Variants in SCHIP1 observed in about 807,000 individuals in gnomAD.
The protein encoded by SCHIP1 is schwannomin-interacting protein 1.
In SCHIP1, 8 loss-of-function variants were observed where a neutral mutation model predicts 29.7. That is an observed-to-expected ratio of 0.27 (90% CI 0.16 to 0.49). SCHIP1 has a LOEUF of 0.49. Among genes scored for constraint, SCHIP1 ranks in the 20% least tolerant of loss-of-function variants. The pLI is 0.99. For synonymous variants in SCHIP1, 76 were observed against 94.9 expected (o/e 0.80, Z 1.16); for missense variants, 193 against 294.6 (o/e 0.66, Z 2.52).
chr3:159,739,784 G>A, the SCHIP1 span, among the ~76,000 whole-genome samples: 104 of 152,266 alleles, frequency 6.8e-4, no homozygotes, highest in Non-Finnish European at 9.3e-4. Flanking sequence ...AACAATATGT[G>A]ATTTTTTTCT....
chr3:159,471,807 A>T, the SCHIP1 span, among the ~76,000 whole-genome samples: 4 of 152,258 alleles, frequency 2.6e-5, no homozygotes, highest in South Asian at 8.3e-4. Flanking sequence ...ACTAGTGGAA[A>T]TCAACTTATG....
chr3:159,776,268 TTTTTGGTCCA>T, the SCHIP1 span, among the ~76,000 whole-genome samples: 1 of 152,166 alleles, frequency 6.6e-6, no homozygotes, highest in Non-Finnish European at 1.5e-5. Context: ...TCTTACATAA[TTTTTGGTCCA>T]TTTTGACCTA....
chr3:159,450,807 C>CTT, the SCHIP1 span, among the ~76,000 whole-genome samples: 272 of 123,042 alleles, frequency 2.2e-3, 3 homozygotes, highest in South Asian at 4.8e-3. Flanking sequence ...ATTTAGTATT[C>CTT]TTTTTTTTTT....
the SCHIP1 span, among the ~76,000 whole-genome samples, chr3:159,362,249 G>A: frequency 6.6e-6 from 1 of 152,132 alleles, no homozygotes; most frequent in African/African-American, 2.4e-5. Flanking sequence ...TCTGTCAAAT[G>A]GTGAATGTAA....
At chr3:159,589,550 G>A in the SCHIP1 span, among the ~76,000 whole-genome samples, 2 of 152,138 alleles carry the variant, frequency 1.3e-5, no homozygotes, top group African/African-American at 2.4e-5. Flanking sequence ...AGTTTTCAAA[G>A]GGAATGCTTC....
the SCHIP1 span, chr3:159,387,426 C>A: frequency 0.055 from 16,710 of 305,874 alleles, 617 homozygotes; most frequent in South Asian, 0.086. Context: ...GAGCCACTCA[C>A]CTCTGTCTTG....
chr3:159,650,901 G>A, the SCHIP1 span, among the ~76,000 whole-genome samples: 2 of 152,136 alleles, frequency 1.3e-5, no homozygotes, highest in Non-Finnish European at 2.9e-5. Flanking sequence ...CTGAGTGTGA[G>A]TGACAGCATA....
At chr3:159,821,849 GGTCACTTGGAC>G in the SCHIP1 span, among the ~76,000 whole-genome samples, 1 of 152,082 alleles carries the variant, frequency 6.6e-6, no homozygotes, top group East Asian at 1.9e-4. Context: ...GTAAAATGAG[GGTCACTTGGAC>G]ACAGCACTGT....
chr3:159,741,357 A>C, the SCHIP1 span, among the ~76,000 whole-genome samples: 9 of 152,220 alleles, frequency 5.9e-5, no homozygotes, highest in Non-Finnish European at 1.3e-4. Flanking sequence ...CAGACATCAC[A>C]GTTTCTAATA....
At chr3:159,622,359 A>G in the SCHIP1 span, among the ~76,000 whole-genome samples, 3 of 152,242 alleles carry the variant, frequency 2.0e-5, no homozygotes, top group Non-Finnish European at 4.4e-5. Flanking sequence ...TAAGATAATT[A>G]TATAAACAAA....
the SCHIP1 span, among the ~76,000 whole-genome samples, chr3:159,392,579 T>G: frequency 6.6e-6 from 1 of 152,148 alleles, no homozygotes; most frequent in South Asian, 2.1e-4. Flanking sequence ...TTTTTGTTCT[T>G]GTGATAGTTT....
the SCHIP1 span, among the ~76,000 whole-genome samples, chr3:159,718,096 AAT>A: frequency 1.3e-5 from 2 of 152,238 alleles, no homozygotes; most frequent in East Asian, 1.9e-4. Context: ...AAATAAATGT[AAT>A]CCATTATATA....
At chr3:159,797,895 A>C in the SCHIP1 span, among the ~76,000 whole-genome samples, 1 of 152,258 alleles carries the variant, frequency 6.6e-6, no homozygotes, top group African/African-American at 2.4e-5. Context: ...GGAGGAAAGC[A>C]GGAAGAGGCA....
At chr3:159,342,148 C>G in the SCHIP1 span, among the ~76,000 whole-genome samples, 8 of 152,256 alleles carry the variant, frequency 5.3e-5, no homozygotes, top group South Asian at 1.7e-3. Flanking sequence ...GTTCCAATCC[C>G]CTTTCTGCAG....
the SCHIP1 span, among the ~76,000 whole-genome samples, chr3:159,795,604 G>A: frequency 6.6e-6 from 1 of 152,218 alleles, no homozygotes; most frequent in South Asian, 2.1e-4. Context: ...CCTGGACTGA[G>A]TAATAAATGT....
chr3:159,597,628 C>T, the SCHIP1 span, among the ~76,000 whole-genome samples: 3 of 152,160 alleles, frequency 2.0e-5, no homozygotes, highest in Admixed American at 2.0e-4. Flanking sequence ...AAAAAACAGG[C>T]TGAATAATAT....
At chr3:159,873,436 A>G (rs1244488392) in intron 2 of SCHIP1, among the ~76,000 whole-genome samples, 1 of 152,208 alleles carries the variant, frequency 6.6e-6, no homozygotes, top group Non-Finnish European at 1.5e-5. Flanking sequence ...TGTTCCTGTG[A>G]GCGTGAGTTC....
At chr3:159,678,825 G>GAA in the SCHIP1 span, among the ~76,000 whole-genome samples, 8 of 152,224 alleles carry the variant, frequency 5.3e-5, no homozygotes, top group Non-Finnish European at 7.3e-5. Flanking sequence ...GCAGAAGACA[G>GAA]AATGAGTATA....
At chr3:159,763,512 C>T in the SCHIP1 span, among the ~76,000 whole-genome samples, 1 of 152,190 alleles carries the variant, frequency 6.6e-6, no homozygotes, top group African/African-American at 2.4e-5. Context: ...GCGCCCCTAA[C>T]GCCCAGTGCC....
Sources: allele counts gnomAD v4.1 joint callset (sites outside exome capture counted in the v4.1 genomes callset), GRCh38; gene constraint gnomAD v4.1.1; transcripts MANE v1.5; gene names NCBI Gene and HGNC (gene_info 2026-07-23, HGNC 2026-07-21).